The following GPLD1 variants were observed in gnomAD, a reference collection of about 807,000 sequenced individuals.
GPLD1 encodes the protein phosphatidylinositol-glycan-specific phospholipase D.
In GPLD1, 84 loss-of-function variants were observed where a neutral mutation model predicts 112.6. The observed-to-expected ratio is 0.75, with a 90% CI of 0.63 to 0.89. GPLD1 has a LOEUF of 0.89. Among genes scored for constraint, GPLD1 ranks in the 40% least tolerant of loss-of-function variants. The pLI is 0.00. For synonymous variants in GPLD1, 386 were observed against 403.8 expected, an observed-to-expected ratio of 0.96 and a Z score of 0.53; for missense variants, 1,044 against 1,051.5, an observed-to-expected ratio of 0.99 and a Z score of 0.10.
chr6:24,458,159 C>T (rs1341265442), intron 12 of GPLD1, among the ~76,000 whole-genome samples: 1 of 151,674 alleles, frequency 6.6e-6, no homozygotes. Flanking sequence ...TGAGACCAAA[C>T]AAGATTTCCT....
In GPLD1 at chr6:24,439,913, C is replaced by T. The variant is rs145869527; in HGVS notation, c.2021-2624G>A. 5.6e-3 allele frequency among the ~76,000 whole-genome samples: 846 copies of T among 152,254 alleles called. 6 individuals are homozygous for T. Among genetic ancestry groups the T allele is most frequent in the Non-Finnish European group, 8.0e-3 (544 of 68,016 alleles). Reference sequence around the variant, plus strand: ...TTAAGGACCATTATCTTTTAGACCTCCATATTGCCTTAATTTCTGCCACGA... The same window carrying T: ...TTAAGGACCATTATCTTTTAGACCTTCATATTGCCTTAATTTCTGCCACGA... On this transcript the variant is annotated intron_variant, in intron 20 of 24. Coordinates refer to ENST00000230036, the MANE Select transcript of GPLD1 (RefSeq NM_001503.4).
At chr6:24,465,962 G>A (rs1763598583) in intron 10 of GPLD1, among the ~76,000 whole-genome samples, 2 of 151,958 alleles carry the variant, frequency 1.3e-5, no homozygotes, top group Admixed American at 6.6e-5. Flanking sequence ...TAGTCAGGGT[G>A]GAGAGGTGTG....
chr6:24,480,020 C>T, intron 2 of GPLD1, 61 bp from the exon 3 acceptor site: 1 of 994,822 alleles, frequency 1.0e-6, no homozygotes, highest in Non-Finnish European at 1.6e-6. Context: ...GGAGTATAGG[C>T]CCCACCAATT....
chr6:24,457,132 A>G (rs947714898), intron 12 of GPLD1, among the ~76,000 whole-genome samples: 1 of 152,168 alleles, frequency 6.6e-6, no homozygotes, highest in African/African-American at 2.4e-5. Context: ...GGCTCCCCCA[A>G]AGTGCTGGGA....
At chr6:24,432,996 T>C (rs1310380921) in intron 24 of GPLD1, among the ~76,000 whole-genome samples, 191 bp downstream of exon 24, 4 of 152,230 alleles carry the variant, frequency 2.6e-5, no homozygotes, top group Non-Finnish European at 5.9e-5. Flanking sequence ...CTGTAGAGGA[T>C]AAAATAGGAA....
At chr6:24,436,890 C>T (rs897385096) in intron 21 of GPLD1, among the ~76,000 whole-genome samples, 154 bp from the exon 22 acceptor site, 1 of 152,228 alleles carries the variant, frequency 6.6e-6, no homozygotes, top group African/African-American at 2.4e-5. Context: ...GCTTTTGTTT[C>T]CTACTTCATT....
chr6:24,434,837 C>CAAAAAAAAAAAAAA (rs747085341), intron 22 of GPLD1, among the ~76,000 whole-genome samples: 30 of 65,434 alleles, frequency 4.6e-4, no homozygotes, highest in African/African-American at 1.2e-3. Context: ...GACTCCGTCT[C>CAAAAAAAAAAAAAA]AAAAAAAAAA....
intron 2 of GPLD1, 86 bp downstream of exon 2, chr6:24,485,989 T>A: frequency 1.2e-6 from 1 of 818,704 alleles, no homozygotes; most frequent in East Asian, 2.5e-5. Context: ...TTAAAATTAC[T>A]GTTTAAATAT....
intron 1 of GPLD1, among the ~76,000 whole-genome samples, chr6:24,488,741 C>A (rs1334138282): frequency 2.6e-5 from 4 of 152,108 alleles, no homozygotes; most frequent in Non-Finnish European, 5.9e-5. Flanking sequence ...GTCAATTATA[C>A]ATCAATAAAG....
chr6:24,459,710 T>C (rs7774509), intron 12 of GPLD1, among the ~76,000 whole-genome samples: 1,828 of 152,346 alleles, frequency 0.012, 26 homozygotes, highest in African/African-American at 0.04. Flanking sequence ...CAGTAGAGTG[T>C]CTTCACTTAA....
intron 20 of GPLD1, among the ~76,000 whole-genome samples, chr6:24,440,035 C>CA (rs1400852397): frequency 1.3e-5 from 2 of 152,206 alleles, no homozygotes; most frequent in Admixed American, 6.5e-5. Flanking sequence ...ACTTTTCTTC[C>CA]AGTGGAGGGA....
intron 12 of GPLD1, among the ~76,000 whole-genome samples, chr6:24,459,134 A>C (rs1763354022): frequency 1.3e-5 from 2 of 152,254 alleles, no homozygotes. Context: ...CACTAACAGA[A>C]ATGTACTCTC....
chr6:24,446,632 A>G (rs1042317959), intron 18 of GPLD1, among the ~76,000 whole-genome samples: 5 of 152,350 alleles, frequency 3.3e-5, no homozygotes, highest in Non-Finnish European at 5.9e-5. Context: ...TCTAGCTTCC[A>G]GAACTGTGAG....
Position 24,430,069 on chromosome 6 carries a change from T to C in GPLD1, c.2437-951A>G, listed in dbSNP as rs1762356089. 1.3e-5 allele frequency among the ~76,000 whole-genome samples: 2 copies of C among 152,222 alleles called. 1 individual carries two copies. Among genetic ancestry groups the C allele is most frequent in the Non-Finnish European group, 2.9e-5 (2 of 68,028 alleles). ...TAATAATAGCTAAAATTTGTGGAGGTTGTATCATGGGTCAGACACTATGCT... is the reference window on the plus strand; with the variant it reads ...TAATAATAGCTAAAATTTGTGGAGGCTGTATCATGGGTCAGACACTATGCT... On this transcript the variant is annotated intron_variant, in intron 24 of 24. Coordinates refer to ENST00000230036, the MANE Select transcript of GPLD1 (RefSeq NM_001503.4).
Position 24,475,002 on chromosome 6 carries a change from C to T in GPLD1, c.441+119G>A, listed in dbSNP as rs900742621. The T allele has an allele frequency of 1.6e-4, 99 of 605,456 alleles. 1 individual carries two copies. The Admixed American group carries it at 2.6e-3, about 16-fold the overall frequency. 37.5% of individuals were successfully genotyped at this position (605,456 alleles called of 1,614,324 possible). A position where few individuals can be genotyped will look rare whatever the true frequency, so the allele number is the denominator to read the frequency against. On this transcript the variant is annotated intron_variant, in intron 5 of 24. Coordinates refer to ENST00000230036, the MANE Select transcript of GPLD1 (RefSeq NM_001503.4). ...AAGATGGGACTCTAACCAAACACTG[C>T]TTTGGGCAGAAGTCTGAATAACCTA...
chr6:24,437,090 A>G, intron 21 of GPLD1, 23 bp downstream of exon 21: 3 of 1,608,336 alleles, frequency 1.9e-6, no homozygotes, highest in Non-Finnish European at 2.6e-6. Context: ...AATTCTTGTC[A>G]AAGGGTCCTG....
At chr6:24,470,016 C>A (rs1763745430) in intron 7 of GPLD1, among the ~76,000 whole-genome samples, 1 of 151,868 alleles carries the variant, frequency 6.6e-6, no homozygotes, top group African/African-American at 2.4e-5. Flanking sequence ...TTTCAAAGGC[C>A]AAAAACAACT....
intron 3 of GPLD1, among the ~76,000 whole-genome samples, chr6:24,478,453 A>C (rs548976354): frequency 9.3e-4 from 142 of 151,892 alleles, no homozygotes; most frequent in African/African-American, 3.3e-3. Flanking sequence ...CAGATGACCC[A>C]AAACCCCAGA....
At chr6:24,441,125 A>C (rs984614284) in intron 20 of GPLD1, among the ~76,000 whole-genome samples, 1 of 145,644 alleles carries the variant, frequency 6.9e-6, no homozygotes, top group Non-Finnish European at 1.5e-5. Context: ...CAACATGGTG[A>C]AACTCCATCT....
Sources: allele counts gnomAD v4.1 joint callset (sites outside exome capture counted in the v4.1 genomes callset), GRCh38; gene constraint gnomAD v4.1.1; transcripts MANE v1.5; gene names NCBI Gene and HGNC (gene_info 2026-07-23, HGNC 2026-07-21).